Variants in EIF3K observed in about 807,000 individuals in gnomAD.
EIF3K encodes eIF-3 p28.
EIF3K carries 27 observed loss-of-function variants against 34.2 expected under a neutral mutation model. That is an observed-to-expected ratio of 0.79 (90% CI 0.58 to 1.09). EIF3K has a LOEUF of 1.09. Among genes scored for constraint, EIF3K ranks in the 50% least tolerant of loss-of-function variants. EIF3K has a pLI of 0.00. For missense variants in EIF3K, 232 were observed against 275.4 expected, an observed-to-expected ratio of 0.84 and a Z score of 1.11; for synonymous variants, 105 against 105.7, an observed-to-expected ratio of 0.99 and a Z score of 0.04.
intron 2 of EIF3K, among the ~76,000 whole-genome samples, chr19:38,620,722 C>T (rs1006264969): frequency 1.3e-5 from 2 of 151,370 alleles, no homozygotes; most frequent in Admixed American, 1.3e-4. Context: ...GGAGAAACCC[C>T]ATCTTTACTA....
At position 38,634,979 on chromosome 19, in the gene EIF3K, CCT is replaced by C. The variant is rs1856256299; in HGVS notation, c.500-13_500-12del. The C allele has an allele frequency of 6.2e-7, 1 of 1,613,984 alleles. No homozygotes were observed. The highest frequency in any genetic ancestry group is 2.2e-5 in the East Asian group (1 of 44,890). ...AGGCTGACTGAAGCCCCTTGCTGCC[CCT>C]GTCACCTGCAGACAGCCAGCTAAAG... On this transcript the variant is annotated splice_polypyrimidine_tract_variant and intron_variant, in intron 6 of 7. Transcript: ENST00000248342.
chr19:38,621,554 T>G (rs1247949306), intron 2 of EIF3K, among the ~76,000 whole-genome samples: 1 of 152,258 alleles, frequency 6.6e-6, no homozygotes, highest in Non-Finnish European at 1.5e-5. Context: ...ACAGGCTCTT[T>G]GCCCCCTATG....
chr19:38,630,679 T>C (rs1180024811), intron 4 of EIF3K: 1 of 150,566 alleles, frequency 6.6e-6, no homozygotes, highest in Non-Finnish European at 1.5e-5. Flanking sequence ...TGTTGTTTTT[T>C]GTTTTGTTTT....
At chr19:38,635,179 G>T in intron 7 of EIF3K, 61 bp downstream of exon 7, 1 of 1,610,360 alleles carries the variant, frequency 6.2e-7, no homozygotes, top group East Asian at 2.2e-5. Context: ...AAGGGAGGCC[G>T]AGGCAGGGGC....
At position 38,620,403 on chromosome 19, in the gene EIF3K, T is replaced by C. The variant is rs1213736313; in HGVS notation, c.126T>C (p.Tyr42=). ...AGACGCAGGCCAAGGAAAATGCCTA[T>C]GATCTGGAAGCCAACCTGGCTGTCC... ...YVETQAKENA[Y]DLEANLAVLK... is the part of the protein sequence containing the mutation. Residue 42 remains tyrosine (Y), a synonymous_variant, in exon 2 of 8, where the codon TAT becomes TAC. Coordinates refer to ENST00000248342, the MANE Select transcript of EIF3K (RefSeq NM_013234.4). 4.3e-6 allele frequency: 7 copies of C among 1,613,898 alleles called. No homozygotes were observed. The highest frequency in any genetic ancestry group is 3.3e-5 in the South Asian group (3 of 91,056).
At chr19:38,626,126 C>T (rs1440231890) in intron 4 of EIF3K, 24 bp downstream of exon 4, 2 of 1,602,940 alleles carry the variant, frequency 1.2e-6, no homozygotes, top group Admixed American at 1.7e-5. Flanking sequence ...GGTCCAGGGG[C>T]AGGGGAGATG....
chr19:38,620,513 G>A, intron 2 of EIF3K, 78 bp downstream of exon 2: 3 of 1,246,004 alleles, frequency 2.4e-6, no homozygotes, highest in Non-Finnish European at 3.5e-6. Flanking sequence ...GCAAGGGGGT[G>A]GCTGGTAGTA....
chr19:38,629,781 C>T (rs1027973980), intron 4 of EIF3K, among the ~76,000 whole-genome samples: 7 of 152,006 alleles, frequency 4.6e-5, no homozygotes, highest in African/African-American at 7.2e-5. Context: ...GGGTGTCTGG[C>T]GGGTTTGGGG....
At chr19:38,631,297 C>T (rs533701440) in intron 4 of EIF3K, among the ~76,000 whole-genome samples, 23 of 152,162 alleles carry the variant, frequency 1.5e-4, no homozygotes, top group African/African-American at 5.1e-4. Context: ...TCTGAGTTCC[C>T]TTAGTATTTA....
chr19:38,632,537 G>A (rs766842735), intron 5 of EIF3K, 41 bp downstream of exon 5: 1 of 1,613,690 alleles, frequency 6.2e-7, no homozygotes, highest in Admixed American at 1.7e-5. Context: ...AGGGGAAGGG[G>A]TAGGGAGTGG....
At chr19:38,627,813 C>G (rs954378248) in intron 4 of EIF3K, among the ~76,000 whole-genome samples, 2 of 152,084 alleles carry the variant, frequency 1.3e-5, no homozygotes, top group Non-Finnish European at 2.9e-5. Flanking sequence ...GGCCAGCTAT[C>G]TTGTGCTACA....
chr19:38,620,269 T>G, intron 1 of EIF3K, 68 bp from the exon 2 acceptor site: 2 of 1,374,046 alleles, frequency 1.5e-6, no homozygotes, highest in Non-Finnish European at 2.0e-6. Flanking sequence ...CAGTGGCCCC[T>G]TGCTCCATAA....
At chr19:38,626,173 C>A in intron 4 of EIF3K, 71 bp downstream of exon 4, 1 of 1,391,410 alleles carries the variant, frequency 7.2e-7, no homozygotes, top group Middle Eastern at 1.8e-4. Flanking sequence ...AAAGTAACAA[C>A]GGTGCACACT....
chr19:38,621,090 G>C (rs910790819), intron 2 of EIF3K, among the ~76,000 whole-genome samples: 2 of 151,670 alleles, frequency 1.3e-5, no homozygotes, highest in Non-Finnish European at 2.9e-5. Flanking sequence ...CCAGCTACTT[G>C]AGAGGCTGAG....
At chr19:38,623,002 T>G (rs2144763591) in intron 2 of EIF3K, among the ~76,000 whole-genome samples, 1 of 152,366 alleles carries the variant, frequency 6.6e-6, no homozygotes, top group Admixed American at 6.5e-5. Flanking sequence ...ACACATGTTG[T>G]GCAATTTTTG....
chr19:38,632,771 T>C, intron 6 of EIF3K, 93 bp downstream of exon 6: 2 of 1,183,106 alleles, frequency 1.7e-6, no homozygotes, highest in Admixed American at 2.7e-5. Context: ...CCTGTCTGGG[T>C]CTCATCAGGT....
rs544034134 is a variant in EIF3K, at chr19:38,625,366, A to C, written c.280-662A>C. On this transcript the variant is annotated intron_variant, in intron 3 of 7. Coordinates refer to ENST00000248342, the MANE Select transcript of EIF3K (RefSeq NM_013234.4). ...TTTTTAGTAGAGACGGGGTTTTGCT[A>C]TGTTGGCCAGGCTGCTCTCGAACTC... Among the ~76,000 whole-genome samples, 19 of 151,968 alleles carry C rather than the reference A, an allele frequency of 1.3e-4. 1 individual carries two copies. In the East Asian group the frequency reaches 3.7e-3, roughly 29 times the overall value.
Position 38,626,066 on chromosome 19 carries a change from G to A in EIF3K, c.318G>A (p.Gly106=). ...CAATCCGACAGATTTTGTACCTCGG[G>A]GACCTGCTGGAGACCTGCCATTTCC... ...ERPIRQILYL[G]DLLETCHFQA... The change falls in exon 4 of 8, where the codon GGG becomes GGA. Residue 106 remains glycine, a synonymous_variant. Coordinates refer to ENST00000248342, the MANE Select transcript of EIF3K (RefSeq NM_013234.4). 5 of 1,614,152 alleles carry A rather than the reference G, an allele frequency of 3.1e-6. No homozygotes were observed. Among genetic ancestry groups the A allele is most frequent in the Non-Finnish European group, 4.2e-6 (5 of 1,180,028 alleles).
chr19:38,624,962 A>G (rs1408951603), intron 3 of EIF3K, among the ~76,000 whole-genome samples: 1 of 152,124 alleles, frequency 6.6e-6, no homozygotes, highest in Non-Finnish European at 1.5e-5. Context: ...TTTAACTAGA[A>G]ACTATAAACC....
Sources: allele counts gnomAD v4.1 joint callset (sites outside exome capture counted in the v4.1 genomes callset), GRCh38; gene constraint gnomAD v4.1.1; transcripts MANE v1.5; gene names NCBI Gene and HGNC (gene_info 2026-07-23, HGNC 2026-07-21).